PIEZO2: variants seen among roughly 807,000 people sequenced by gnomAD.
PIEZO2 encodes the protein piezo type mechanosensitive ion channel component 2.
Under a neutral mutation model 337.3 loss-of-function variants are expected in PIEZO2, and 172 were observed. The observed-to-expected ratio is 0.51, with a 90% CI of 0.45 to 0.58. PIEZO2 has a LOEUF of 0.58. Among genes scored for constraint, PIEZO2 ranks in the 20% least tolerant of loss-of-function variants. The pLI is 0.00. For missense variants in PIEZO2, 3,028 were observed against 3,391.3 expected, an observed-to-expected ratio of 0.89 and a Z score of 2.66; for synonymous variants, 1,251 against 1,228.5, an observed-to-expected ratio of 1.02 and a Z score of -0.38.
rs1176372045 is a variant in PIEZO2 at position 11,031,746 on chromosome 18, T to G, written c.160+34381A>C. On this transcript the variant is annotated intron_variant, in intron 2 of 55. Coordinates refer to ENST00000674853, the MANE Select transcript of PIEZO2 (RefSeq NM_001378183.1). The surrounding 1 kb of genome is among the most constrained non-coding windows in gnomAD (Gnocchi z 4.7). Reference sequence around the variant, plus strand: ...GTACGACTTACCCTTGGTTGTAAGTTGATTCCATGGTCCCTGGGGCAAAAG... The same window carrying G: ...GTACGACTTACCCTTGGTTGTAAGTGGATTCCATGGTCCCTGGGGCAAAAG... 1.3e-5 allele frequency among the ~76,000 whole-genome samples: 2 copies of G among 152,120 alleles called. No individual in the cohort carries two copies. Among genetic ancestry groups the G allele is most frequent in the Non-Finnish European group, 2.9e-5 (2 of 68,030 alleles).
At chr18:10,873,683 A>G (rs573873381) in intron 4 of PIEZO2, among the ~76,000 whole-genome samples, 2 of 152,290 alleles carry the variant, frequency 1.3e-5, no homozygotes, top group East Asian at 3.9e-4. Context: ...TTACTATAAT[A>G]TACATAAAAA....
At chr18:10,958,644 C>T (rs1443141067) in intron 3 of PIEZO2, among the ~76,000 whole-genome samples, 4 of 152,104 alleles carry the variant, frequency 2.6e-5, no homozygotes, top group Non-Finnish European at 5.9e-5. Flanking sequence ...CCTCATACCC[C>T]ATAAATATAC....
rs949192804 is a variant in PIEZO2, at chr18:11,038,160, T to A, written c.160+27967A>T. Among the ~76,000 whole-genome samples, 1 of 152,164 alleles carries A rather than the reference T, an allele frequency of 6.6e-6. No homozygotes were observed. The highest frequency in any genetic ancestry group is 1.5e-5 in the Non-Finnish European group (1 of 68,030). On this transcript the variant is annotated intron_variant, in intron 2 of 55. Transcript: ENST00000674853. The surrounding 1 kb of genome is among the most constrained non-coding windows in gnomAD (Gnocchi z 4.1). ...AACTCTAGTAAAATTACAGTCTTTA[T>A]AACCTTTCTCATTTTCTCTAGGTCC...
rs148044681 is a variant in PIEZO2, at chr18:10,857,303, C to T, written c.493-92G>A. 420 of 1,105,534 alleles carry T rather than the reference C, an allele frequency of 3.8e-4. 1 individual carries two copies. The highest frequency in any genetic ancestry group is 1.3e-4 in the Admixed American group (6 of 45,542). 68.5% of individuals were successfully genotyped at this position (1,105,534 alleles called of 1,614,324 possible). Reference sequence around the variant, plus strand: ...AGCTTCTAATTCATGGGTCAGTCAACGTGGTGAATTTCACAGATCAGGAAA... The same window carrying T: ...AGCTTCTAATTCATGGGTCAGTCAATGTGGTGAATTTCACAGATCAGGAAA... On this transcript the variant is annotated intron_variant, in intron 5 of 55. Transcript: ENST00000674853.
At chr18:10,908,475 T>C (rs2030160057) in intron 4 of PIEZO2, 1 of 152,172 alleles carries the variant, frequency 6.6e-6, no homozygotes, top group African/African-American at 2.4e-5. Flanking sequence ...AATTGGAATT[T>C]CCCTTTAAGA....
Position 11,110,260 on chromosome 18 carries a change from G to C in PIEZO2, c.64+38265C>G, listed in dbSNP as rs1029026242. On this transcript the variant is annotated intron_variant, in intron 1 of 55. Transcript: ENST00000674853. The surrounding 1 kb of genome is among the most constrained non-coding windows in gnomAD (Gnocchi z 4.2). ...AGCGTCCCAAAGTGCTGGGACTACA[G>C]GTGCAAGCCTCCTCATTTTTCTAAT... Among the ~76,000 whole-genome samples, 10 of 152,148 alleles carry C rather than the reference G, an allele frequency of 6.6e-5. No individual in the cohort carries two copies. The highest frequency in any genetic ancestry group is 2.4e-4 in the African/African-American group (10 of 41,430).
At chr18:11,037,149 T>C (rs1187102553) in intron 2 of PIEZO2, among the ~76,000 whole-genome samples, 1 of 152,182 alleles carries the variant, frequency 6.6e-6, no homozygotes, top group Non-Finnish European at 1.5e-5. Flanking sequence ...ATTTTTGTAG[T>C]AGAGACGGGG....
At chr18:10,801,105 G>T (rs948246402) in intron 10 of PIEZO2, among the ~76,000 whole-genome samples, 3 of 152,204 alleles carry the variant, frequency 2.0e-5, no homozygotes, top group Non-Finnish European at 2.9e-5. Flanking sequence ...ACAGGTGTAT[G>T]TGCGCCCATG....
In PIEZO2 at chr18:10,726,953, C is replaced by A. The variant is rs1186926650; in HGVS notation, c.5029+4454G>T. The A allele has an allele frequency of 1.4e-6, 2 of 1,449,126 alleles. No homozygotes were observed. The highest frequency in any genetic ancestry group is 1.4e-5 in the African/African-American group (1 of 70,112). 89.8% of individuals were successfully genotyped at this position (1,449,126 alleles called of 1,614,324 possible). ...CTGCCCGACTGATGTAGGTTGAGGGCTGCAGACAGAGGCCCTGGACAGAAG... is the reference window on the plus strand; with the variant it reads ...CTGCCCGACTGATGTAGGTTGAGGGATGCAGACAGAGGCCCTGGACAGAAG... On this transcript the variant is annotated intron_variant, in intron 36 of 55. Coordinates refer to ENST00000674853, the MANE Select transcript of PIEZO2 (RefSeq NM_001378183.1). This position sits in a 1 kb window ranked among gnomAD's most constrained non-coding sequence, Gnocchi z 5.9.
rs527256136 is a variant in PIEZO2, at chr18:11,031,072, C to T, written c.160+35055G>A. On this transcript the variant is annotated intron_variant, in intron 2 of 55. Transcript: ENST00000674853. The surrounding 1 kb of genome is among the most constrained non-coding windows in gnomAD (Gnocchi z 4.7). ...TGGCGTGATCTTGGCTCATTGCAAACGCCGCCTCCCGGGTTCACACCATTC... is the reference window on the plus strand; with the variant it reads ...TGGCGTGATCTTGGCTCATTGCAAATGCCGCCTCCCGGGTTCACACCATTC... Among the ~76,000 whole-genome samples, 1 of 151,990 alleles carries T rather than the reference C, an allele frequency of 6.6e-6. No homozygotes were observed. Among genetic ancestry groups the T allele is most frequent in the African/African-American group, 2.4e-5 (1 of 41,370 alleles).
chr18:11,000,599 C>T (rs1302685315), intron 2 of PIEZO2, among the ~76,000 whole-genome samples: 1 of 152,162 alleles, frequency 6.6e-6, no homozygotes, highest in Non-Finnish European at 1.5e-5. Context: ...GGGCTCATTG[C>T]TTCTACAGCA....
At chr18:10,755,354 A>G (rs1383525834) in intron 27 of PIEZO2, among the ~76,000 whole-genome samples, 2 of 152,194 alleles carry the variant, frequency 1.3e-5, no homozygotes, top group African/African-American at 4.8e-5. Context: ...TAGGGCAGAC[A>G]CTAATCAGTG....
intron 3 of PIEZO2, among the ~76,000 whole-genome samples, chr18:10,934,635 A>ATG (rs2032276229): frequency 3.1e-5 from 2 of 64,528 alleles, no homozygotes; most frequent in Non-Finnish European, 6.1e-5. Flanking sequence ...TATTGTGTGT[A>ATG]CGTGTGTGTG....
At chr18:10,881,674 G>C (rs2042424390) in intron 4 of PIEZO2, among the ~76,000 whole-genome samples, 1 of 152,146 alleles carries the variant, frequency 6.6e-6, no homozygotes, top group African/African-American at 2.4e-5. Context: ...AGAGCCAGTT[G>C]TTAAACATTT....
chr18:10,757,907 G>A, intron 27 of PIEZO2, 62 bp downstream of exon 27: 3 of 1,403,152 alleles, frequency 2.1e-6, no homozygotes, highest in Non-Finnish European at 2.9e-6. Flanking sequence ...AAGTATAGAG[G>A]AGCAATGTAA....
intron 5 of PIEZO2, among the ~76,000 whole-genome samples, chr18:10,860,884 C>T (rs906060431): frequency 1.3e-5 from 2 of 152,078 alleles, no homozygotes; most frequent in Non-Finnish European, 2.9e-5. Flanking sequence ...ATAAACATAC[C>T]ACTGTACTTT....
chr18:10,894,641 A>T lies in PIEZO2; in HGVS notation c.329+16545T>A, dbSNP rs2042846438. ...CACCCCAAAGGAAGAAGAATCAGGA[A>T]AGAAGGGGCGCAAGACTCCGGACGT... On this transcript the variant is annotated intron_variant, in intron 4 of 55. Transcript: ENST00000674853. The surrounding 1 kb of genome is among the most constrained non-coding windows in gnomAD (Gnocchi z 4.1). 6.6e-6 allele frequency: 1 copy of T among 152,284 alleles called. No individual in the cohort carries two copies. The highest frequency in any genetic ancestry group is 6.5e-5 in the Admixed American group (1 of 15,286). 9.4% of individuals were successfully genotyped at this position (152,284 alleles called of 1,614,324 possible).
intron 1 of PIEZO2, among the ~76,000 whole-genome samples, chr18:11,100,776 T>C (rs912342701): frequency 6.6e-6 from 1 of 152,150 alleles, no homozygotes; most frequent in African/African-American, 2.4e-5. Flanking sequence ...TTTGTATTTT[T>C]AGTAGAGACA....
intron 2 of PIEZO2, among the ~76,000 whole-genome samples, chr18:11,053,565 T>C (rs2037607366): frequency 6.6e-6 from 1 of 152,218 alleles, no homozygotes; most frequent in African/African-American, 2.4e-5. Flanking sequence ...TACAGACAGG[T>C]GCCACTGTGA....
Sources: allele counts gnomAD v4.1 joint callset (sites outside exome capture counted in the v4.1 genomes callset), GRCh38; gene constraint gnomAD v4.1.1; non-coding constraint Gnocchi (gnomAD v3.1); transcripts MANE v1.5; gene names NCBI Gene and HGNC (gene_info 2026-07-23, HGNC 2026-07-21).